The following ENOSF1 variants were observed in gnomAD, a reference collection of about 807,000 sequenced individuals.
ENOSF1 encodes the protein enolase superfamily member 1.
In ENOSF1, 73 loss-of-function variants were observed where a neutral mutation model predicts 68.2. The ratio of observed to expected loss-of-function variants is 1.07; its 90% CI spans 0.89 to 1.30. The LOEUF (loss-of-function observed/expected upper bound fraction) is 1.30. Ranked by LOEUF, ENOSF1 falls within the 50% of genes most tolerant of loss-of-function variation. The pLI is 0.00. For synonymous variants in ENOSF1, 223 were observed against 210.4 expected, an observed-to-expected ratio of 1.06 and a Z score of -0.52; for missense variants, 589 against 554.5, an observed-to-expected ratio of 1.06 and a Z score of -0.62.
At chr18:699,100 T>A (rs1308287441) in intron 2 of ENOSF1, among the ~76,000 whole-genome samples, 1 of 152,124 alleles carries the variant, frequency 6.6e-6, no homozygotes, top group Non-Finnish European at 1.5e-5. Flanking sequence ...GCTCAAGCAA[T>A]CCTCCCACCT....
chr18:681,724 C>A (rs2847607), intron 11 of ENOSF1, among the ~76,000 whole-genome samples: 1 of 152,044 alleles, frequency 6.6e-6, no homozygotes, highest in Non-Finnish European at 1.5e-5. Context: ...CCACACCCAA[C>A]GTTCTCCTCA....
intron 5 of ENOSF1, chr18:692,634 G>T: frequency 5.6e-5 from 18 of 319,846 alleles, no homozygotes; most frequent in East Asian, 1.5e-4. Context: ...AAAGAAAAAA[G>T]AAAAGAGTAC....
At chr18:708,908 C>A (rs1385492376) in intron 1 of ENOSF1, among the ~76,000 whole-genome samples, 2 of 152,062 alleles carry the variant, frequency 1.3e-5, no homozygotes, top group Admixed American at 6.6e-5. Flanking sequence ...AATTAAAGAC[C>A]CATCGGCAGT....
intron 1 of ENOSF1, among the ~76,000 whole-genome samples, chr18:707,058 A>G (rs2079023468): frequency 6.6e-6 from 1 of 152,216 alleles, no homozygotes; most frequent in African/African-American, 2.4e-5. Flanking sequence ...ACCTCAGGTG[A>G]TCCACCTGCC....
intron 2 of ENOSF1, among the ~76,000 whole-genome samples, chr18:697,843 G>A (rs942541581): frequency 1.3e-5 from 2 of 152,072 alleles, no homozygotes; most frequent in African/African-American, 4.8e-5. Flanking sequence ...ACCCAGGCTT[G>A]AGTGCAGTGG....
At chr18:708,709 GC>G (rs2079196127) in intron 1 of ENOSF1, among the ~76,000 whole-genome samples, 1 of 152,046 alleles carries the variant, frequency 6.6e-6, no homozygotes, top group Non-Finnish European at 1.5e-5. Context: ...CTCAGCAGTG[GC>G]AAGGGGAGTG....
At chr18:699,621 C>T (rs1436928988) in intron 2 of ENOSF1, among the ~76,000 whole-genome samples, 1 of 152,188 alleles carries the variant, frequency 6.6e-6, no homozygotes, top group Non-Finnish European at 1.5e-5. Context: ...ATAATTGAAT[C>T]AAGCCATCAA....
chr18:701,789 G>A (rs1422473622), intron 2 of ENOSF1, among the ~76,000 whole-genome samples: 2 of 150,972 alleles, frequency 1.3e-5, no homozygotes, highest in Admixed American at 6.6e-5. Flanking sequence ...GCGTGATAGT[G>A]GGCACCTGTA....
At chr18:697,927 A>G (rs2847160) in intron 2 of ENOSF1, among the ~76,000 whole-genome samples, 50,802 of 151,582 alleles carry the variant, frequency 0.34, 8,701 homozygotes, top group Non-Finnish European at 0.37. Flanking sequence ...TCGAGAAGCT[A>G]GGATTACAGG....
chr18:663,801 A>G, the ENOSF1 span, among the ~76,000 whole-genome samples: 1 of 101,912 alleles, frequency 9.8e-6, no homozygotes, highest in Non-Finnish European at 1.9e-5. Flanking sequence ...TGTTTTTCTC[A>G]GGTTTGTCAA....
In ENOSF1 at chr18:673,125, TATTA is replaced by T; in HGVS notation, c.*1176_*1179del. On this transcript the variant is annotated 3_prime_UTR_variant, in exon 16 of 16. Coordinates refer to ENST00000647584, the MANE Select transcript of ENOSF1 (RefSeq NM_017512.7). The stretch of plus-strand genomic sequence containing the variant: ...AAAAATCTGTCCGTGACCTATCAGT[TATTA>T]ATTTTTAAGGATGTTGCCACTGGCA... 5 of 1,060,076 alleles carry T rather than the reference TATTA, an allele frequency of 4.7e-6. No individual in the cohort carries two copies. Among genetic ancestry groups the T allele is most frequent in the Non-Finnish European group, 1.3e-6 (1 of 769,638 alleles). The allele number at this position is 1,060,076 out of a possible 1,614,324, so 65.7% of individuals were successfully genotyped here.
rs369142925 is a variant in ENOSF1 at position 685,973 on chromosome 18, T to A, written c.689A>T (p.Asp230Val). The A allele has an allele frequency of 3.8e-5, 61 of 1,614,058 alleles. No individual in the cohort carries two copies. Among genetic ancestry groups the A allele is most frequent in the Non-Finnish European group, 4.9e-5 (58 of 1,180,032 alleles). Residue 230 changes from aspartate to valine, a missense_variant, in exon 10 of 16, where the codon GAC (aspartate) becomes GTC (valine). Asp to Val is a radical substitution (Grantham distance 152). Transcript: ENST00000647584. ...TCGGATGATTTGGCATCTTCGCATGTCATCCTGGAGATCAGCACCCACCTT... is the reference window on the plus strand; with the variant it reads ...TCGGATGATTTGGCATCTTCGCATGACATCCTGGAGATCAGCACCCACCTT... ...KVKVGADLQD[D>V]MRRCQIIRDM...
rs1321301660 is a variant in ENOSF1 at position 700,895 on chromosome 18, A to G, written c.194-3540T>C. Among the ~76,000 whole-genome samples the G allele has an allele frequency of 2.5e-4, 38 of 150,366 alleles. No homozygotes were observed. The East Asian group carries it at 5.8e-3, about 23-fold the overall frequency. On this transcript the variant is annotated intron_variant, in intron 2 of 15. Transcript: ENST00000647584. ...ACAAGAGCGAAACTCTGCCTCAAAAAAAAAAAAAAAAAAAAAAAACAAGAG... is the reference window on the plus strand; with the variant it reads ...ACAAGAGCGAAACTCTGCCTCAAAAGAAAAAAAAAAAAAAAAAAACAAGAG...
At chr18:703,467 G>T (rs2078594541) in intron 2 of ENOSF1, among the ~76,000 whole-genome samples, 2 of 152,266 alleles carry the variant, frequency 1.3e-5, no homozygotes, top group South Asian at 4.1e-4. Context: ...AAAGGCAGCG[G>T]CTTCATAAAG....
In ENOSF1 at chr18:670,782, C is replaced by G. The variant is rs201232749; in HGVS notation, c.*3523G>C. On this transcript the variant is annotated 3_prime_UTR_variant, in exon 16 of 16. Transcript: ENST00000647584. ...CTGTCCTGCCAGCTGTACCAGAGAT[C>G]GGGAGACATGGGCCTCGGTGTGCCT... 1.2e-6 allele frequency: 2 copies of G among 1,614,088 alleles called. No individual in the cohort carries two copies. The highest frequency in any genetic ancestry group is 8.5e-7 in the Non-Finnish European group (1 of 1,180,028).
At chr18:676,060 A>T (rs2075481761) in intron 14 of ENOSF1, among the ~76,000 whole-genome samples, 1 of 152,200 alleles carries the variant, frequency 6.6e-6, no homozygotes, top group African/African-American at 2.4e-5. Flanking sequence ...CACCCAAAAA[A>T]TAAAATCACC....
chr18:698,040 C>G (rs192460169), intron 2 of ENOSF1, among the ~76,000 whole-genome samples: 1 of 152,328 alleles, frequency 6.6e-6, no homozygotes, highest in Non-Finnish European at 1.5e-5. Context: ...GTGATCCACC[C>G]GCCTTGGCCT....
rs570307223 is a variant in ENOSF1 at position 704,730 on chromosome 18, TG to T, written c.193+1739del. Among the ~76,000 whole-genome samples, 8 of 151,514 alleles carry T rather than the reference TG, an allele frequency of 5.3e-5. No homozygotes were observed. The South Asian group carries it at 1.0e-3, about 20-fold the overall frequency. ...AAGCAATTCTCGTGCTTCAGCCTCC[TG>T]AGTAGCTGAGATTACAGCCATGCAT... On this transcript the variant is annotated intron_variant, in intron 2 of 15. Coordinates refer to ENST00000647584, the MANE Select transcript of ENOSF1 (RefSeq NM_017512.7).
chr18:670,051 T>A (rs1271737928), downstream of ENOSF1, among the ~76,000 whole-genome samples: 1 of 150,408 alleles, frequency 6.6e-6, no homozygotes, highest in South Asian at 2.1e-4. Context: ...ACTTATTTTT[T>A]TTTTTTTTTT....
Sources: allele counts gnomAD v4.1 joint callset (sites outside exome capture counted in the v4.1 genomes callset), GRCh38; gene constraint gnomAD v4.1.1; transcripts MANE v1.5; gene names NCBI Gene and HGNC (gene_info 2026-07-23, HGNC 2026-07-21).